ARHGEF5: variants seen among roughly 807,000 people sequenced by gnomAD.
The protein encoded by ARHGEF5 is Rho guanine nucleotide exchange factor 5.
Under a neutral mutation model 104.0 loss-of-function variants are expected in ARHGEF5, and 11 were observed. That is an observed-to-expected ratio of 0.11 (90% CI 0.07 to 0.18). The LOEUF is 0.18. Ranked by LOEUF, ARHGEF5 falls within the 10% of genes least tolerant of loss-of-function variation. ARHGEF5 has a pLI of 1.00. For missense variants in ARHGEF5, 165 were observed against 1,335.4 expected (o/e 0.12, Z 13.66); for synonymous variants, 60 against 512.2 (o/e 0.12, Z 11.92).
chr7:144,378,969 G>A, intron 14 of ARHGEF5, 103 bp downstream of exon 14: 1 of 1,175,226 alleles, frequency 8.5e-7, no homozygotes, highest in Non-Finnish European at 1.2e-6. Context: ...ACCATGGACT[G>A]GGTGGCTTAT....
At chr7:144,371,390 ATT>A in intron 6 of ARHGEF5, 69 bp downstream of exon 6, 1 of 1,228,124 alleles carries the variant, frequency 8.1e-7, no homozygotes, top group Non-Finnish European at 1.2e-6. Context: ...ATGTTCCGTT[ATT>A]TTTTTCCCCT....
chr7:144,379,933 G>A lies in ARHGEF5; in HGVS notation c.4671G>A (p.Glu1557=), dbSNP rs1176145309. Residue 1557 remains glutamate (E), a synonymous_variant, in exon 15 of 15, where the codon GAG becomes GAA. Transcript: ENST00000056217. ...AGGGCGTGAGGCTCTCAGACGGGGA[G>A]CGAGGCTGGTTTCCTGTGCAGCAGG... The part of the protein sequence containing the change: ...WLEGVRLSDG[E]RGWFPVQQVE... 6 of 1,614,216 alleles carry A rather than the reference G, an allele frequency of 3.7e-6. No homozygotes were observed. The highest frequency in any genetic ancestry group is 5.1e-6 in the Non-Finnish European group (6 of 1,180,030).
intron 1 of ARHGEF5, among the ~76,000 whole-genome samples, chr7:144,359,936 C>T (rs1367071757): frequency 2.1e-5 from 3 of 142,714 alleles, no homozygotes; most frequent in Non-Finnish European, 1.6e-5. Context: ...GGTGCAGTGG[C>T]CCGGGCGAGA....
chr7:144,378,594 G>A (rs1453779334), intron 13 of ARHGEF5, among the ~76,000 whole-genome samples, 168 bp from the exon 14 acceptor site: 1 of 152,128 alleles, frequency 6.6e-6, no homozygotes, highest in African/African-American at 2.4e-5. Context: ...TTTCTGGTAT[G>A]TCTATTTCTT....
intron 1 of ARHGEF5, among the ~76,000 whole-genome samples, chr7:144,360,202 T>A (rs1208141): frequency 0.33 from 38,835 of 117,340 alleles, 10,374 homozygotes; most frequent in East Asian, 0.63. Flanking sequence ...GCTCAAGGGA[T>A]CCTCCCAGGA....
chr7:144,378,962 A>G lies in ARHGEF5; in HGVS notation c.4636+96A>G, dbSNP rs1396254320. ...CCTGCAGCTGCCATGACAAAGTACC[A>G]TGGACTGGGTGGCTTATGGCAACAG... On this transcript the variant is annotated intron_variant, in intron 14 of 14. Transcript: ENST00000056217. 3 of 1,231,624 alleles carry G rather than the reference A, an allele frequency of 2.4e-6. No homozygotes were observed. In the African/African-American group the frequency reaches 4.5e-5, roughly 18 times the overall value. 76.3% of individuals were successfully genotyped at this position (1,231,624 alleles called of 1,614,324 possible). A position where few individuals can be genotyped will look rare whatever the true frequency, so the allele number is the denominator to read the frequency against.
Position 144,365,531 on chromosome 7 carries a change from AGG to A in ARHGEF5, c.2865_2866del (p.Val956LeufsTer5). ...LQGPTSKDEA[G>X]VSEHPEAPAR... is the part of the protein sequence containing the mutation. ...AGGGACCCACCTCTAAGGATGAAGCAGGGGTCTCAGAACACCCTGAGGCCCCT... is the reference window on the plus strand; with the variant it reads ...AGGGACCCACCTCTAAGGATGAAGCAGGTCTCAGAACACCCTGAGGCCCCT... On this transcript the variant is annotated frameshift_variant, in exon 2 of 15. Coordinates refer to ENST00000056217, the MANE Select transcript of ARHGEF5 (RefSeq NM_005435.4). LOFTEE classifies it high-confidence loss of function. 2.1e-6 allele frequency: 2 copies of A among 937,384 alleles called. No homozygotes were observed. The highest frequency in any genetic ancestry group is 3.2e-6 in the Non-Finnish European group (2 of 631,836). The allele number at this position is 937,384 out of a possible 1,614,324, so 58.1% of individuals were successfully genotyped here.
chr7:144,357,811 C>T (rs1337201730), intron 1 of ARHGEF5, among the ~76,000 whole-genome samples: 2 of 146,076 alleles, frequency 1.4e-5, no homozygotes, highest in East Asian at 2.0e-4. Context: ...AGAAGTCACA[C>T]GTGGGTGAGG....
chr7:144,378,806 A>G lies in ARHGEF5; in HGVS notation c.4576A>G (p.Asn1526Asp), dbSNP rs139505959. 16 of 1,614,006 alleles carry G rather than the reference A, an allele frequency of 9.9e-6. No homozygotes were observed. Among genetic ancestry groups the G allele is most frequent in the Non-Finnish European group, 1.4e-5 (16 of 1,179,986 alleles). ...CCTTCGAGCCTACAAGCCCCGAGAG[A>G]ATGATGAATTGGCACTGGAGAAAGC... ...QCLRAYKPRE[N>D]DELALEKADV... Residue 1526 changes from asparagine (N) to aspartate (D), a missense_variant, in exon 14 of 15, where the codon AAT (asparagine) becomes GAT (aspartate). Physicochemically the swap from Asn to Asp is conservative, Grantham distance 23. Transcript: ENST00000056217.
At chr7:144,377,641 C>G (rs1390542960) in intron 13 of ARHGEF5, among the ~76,000 whole-genome samples, 2 of 152,084 alleles carry the variant, frequency 1.3e-5, no homozygotes, top group African/African-American at 4.8e-5. Context: ...GAGCCACAGG[C>G]ACACACACAT....
chr7:144,358,758 A>AGTGTGTGTGTGTGT (rs71222348), intron 1 of ARHGEF5, among the ~76,000 whole-genome samples: 6 of 90,892 alleles, frequency 6.6e-5, no homozygotes, highest in Middle Eastern at 5.4e-3. Context: ...AGGATGGCTC[A>AGTGTGTGTGTGTGT]GTGTGTGTGT....
Position 144,378,797 on chromosome 7 carries a change from C to A in ARHGEF5, c.4567C>A (p.Pro1523Thr), listed in dbSNP as rs545585481. The A allele has an allele frequency of 6.2e-7, 1 of 1,613,950 alleles. No individual in the cohort carries two copies. The highest frequency in any genetic ancestry group is 8.5e-7 in the Non-Finnish European group (1 of 1,179,980). Reference sequence around the variant, plus strand: ...GGTACAGTGCCTTCGAGCCTACAAGCCCCGAGAGAATGATGAATTGGCACT... The same window carrying A: ...GGTACAGTGCCTTCGAGCCTACAAGACCCGAGAGAATGATGAATTGGCACT... ...PQVQCLRAYKPRENDELALEK... is the reference protein window; with the variant it reads ...PQVQCLRAYKTRENDELALEK... Residue 1523 changes from proline (P) to threonine (T), a missense_variant, in exon 14 of 15, where the codon CCC becomes ACC. Transcript: ENST00000056217.
Position 144,363,238 on chromosome 7 carries a change from C to T in ARHGEF5, c.569C>T (p.Pro190Leu), listed in dbSNP as rs144636631. The change falls in exon 2 of 15, where the codon CCT becomes CTT. Residue 190 changes from proline to leucine, a missense_variant. Coordinates refer to ENST00000056217, the MANE Select transcript of ARHGEF5 (RefSeq NM_005435.4). ...TRYYSPCEEH[P>L]AETNQNEGSE... The stretch of plus-strand genomic sequence containing the variant: ...TATTATTCTCCCTGCGAAGAGCATC[C>T]TGCAGAGACCAACCAGAATGAAGGC... 6.3e-7 allele frequency: 1 copy of T among 1,591,896 alleles called. No individual in the cohort carries two copies. Among genetic ancestry groups the T allele is most frequent in the Non-Finnish European group, 8.6e-7 (1 of 1,163,746 alleles).
Position 144,380,197 on chromosome 7 carries a change from G to T in ARHGEF5, c.*141G>T, listed in dbSNP as rs1311391188. The stretch of plus-strand genomic sequence containing the variant: ...TCAAGGACAAAATCCAGCTAACCCA[G>T]TCCCTCGGCCCAGGCCTCCTTTCGT... On this transcript the variant is annotated 3_prime_UTR_variant, in exon 15 of 15. Coordinates refer to ENST00000056217, the MANE Select transcript of ARHGEF5 (RefSeq NM_005435.4). 8 of 1,127,634 alleles carry T rather than the reference G, an allele frequency of 7.1e-6. No individual in the cohort carries two copies. The Admixed American group carries it at 1.0e-4, about 14-fold the overall frequency. 69.9% of individuals were successfully genotyped at this position (1,127,634 alleles called of 1,614,324 possible).
intron 13 of ARHGEF5, among the ~76,000 whole-genome samples, chr7:144,377,941 ACCTT>A (rs1264203709): frequency 6.6e-6 from 1 of 152,140 alleles, no homozygotes; most frequent in African/African-American, 2.4e-5. Context: ...CTTCATTTTG[ACCTT>A]GTGAATGGCA....
At chr7:144,379,801 T>A in intron 14 of ARHGEF5, 98 bp from the exon 15 acceptor site, 1 of 1,494,848 alleles carries the variant, frequency 6.7e-7, no homozygotes, top group Non-Finnish European at 9.1e-7. Context: ...CCCAGTTCAC[T>A]CAGCCTGAGG....
chr7:144,378,663 T>A, intron 13 of ARHGEF5, 99 bp from the exon 14 acceptor site: 1 of 956,280 alleles, frequency 1.0e-6, no homozygotes, highest in Non-Finnish European at 1.6e-6. Flanking sequence ...CAAATCTGTC[T>A]CTATCTCAAG....
chr7:144,373,769 G>A (rs2053740273), intron 10 of ARHGEF5, among the ~76,000 whole-genome samples: 1 of 134,320 alleles, frequency 7.4e-6, no homozygotes, highest in African/African-American at 2.7e-5. Flanking sequence ...TCCAAATTTA[G>A]AGCCAGCATC....
chr7:144,360,857 T>C (rs902705619), intron 1 of ARHGEF5, among the ~76,000 whole-genome samples: 11 of 143,940 alleles, frequency 7.6e-5, no homozygotes, highest in African/African-American at 2.8e-4. Flanking sequence ...ATTATAATTG[T>C]ATAAATGCTA....
Sources: gnomAD v4.1 joint callset for allele counts (sites outside exome capture counted in the v4.1 genomes callset) on GRCh38, gnomAD v4.1.1 for gene constraint, MANE v1.5 for transcripts, NCBI Gene and HGNC (gene_info 2026-07-23, HGNC 2026-07-21) for gene names.